FILIP1L: variants seen among roughly 807,000 people sequenced by gnomAD.
FILIP1L encodes filamin A interacting protein 1 like, also known as filamin A-interacting protein 1-like.
Under a neutral mutation model 96.6 loss-of-function variants are expected in FILIP1L, and 55 were observed. The ratio of observed to expected loss-of-function variants is 0.57; its 90% CI spans 0.46 to 0.71. FILIP1L has a LOEUF of 0.71. FILIP1L is among the 30% of genes least tolerant of loss of function. The pLI, the probability that FILIP1L is intolerant of heterozygous loss-of-function variation, is 0.00. For missense variants in FILIP1L, 1,304 were observed against 1,321.2 expected (o/e 0.99, Z 0.20); for synonymous variants, 467 against 473.9 (o/e 0.99, Z 0.19).
chr3:99,983,464 GTATATATATATATATA>G (rs1191587665), intron 1 of FILIP1L, among the ~76,000 whole-genome samples: 13 of 12,676 alleles, frequency 1.0e-3, no homozygotes, highest in Non-Finnish European at 1.5e-3. Flanking sequence ...ATATATGTGT[GTATATATATATATATA>G]TATATATATA....
chr3:99,959,302 A>T (rs1262223127), intron 1 of FILIP1L, among the ~76,000 whole-genome samples: 3 of 152,272 alleles, frequency 2.0e-5, no homozygotes, highest in Middle Eastern at 3.4e-3. Flanking sequence ...GATGTGCAGC[A>T]CTGTGCCCAG....
intron 4 of FILIP1L, chr3:99,876,097 C>CG: frequency 1.0e-6 from 1 of 986,342 alleles, no homozygotes; most frequent in Non-Finnish European, 1.2e-6. Context: ...CGGGGCCGGG[C>CG]GGGGGCCGGG....
At position 99,847,914 on chromosome 3, in the gene FILIP1L, T is replaced by G. The variant is rs571820047; in HGVS notation, c.3381+381A>C. On this transcript the variant is annotated intron_variant, in intron 5 of 5. Coordinates refer to ENST00000477258, the MANE Select transcript of FILIP1L (RefSeq NM_001387850.1). Reference sequence around the variant, plus strand: ...TAACACAGAATGACCAAAAGAAAATTCAGCAAGCAATGGTAAAAATAACAA... The same window carrying G: ...TAACACAGAATGACCAAAAGAAAATGCAGCAAGCAATGGTAAAAATAACAA... The G allele has an allele frequency of 4.2e-5, 42 of 988,356 alleles. No homozygotes were observed. In the South Asian group the frequency reaches 1.5e-3, roughly 35 times the overall value. 61.2% of individuals were successfully genotyped at this position (988,356 alleles called of 1,614,324 possible).
Position 99,849,428 on chromosome 3 carries a change from G to T in FILIP1L, c.2248C>A (p.Leu750Ile). Residue 750 changes from leucine to isoleucine, a missense_variant, in exon 5 of 6, where the codon CTA becomes ATA. Coordinates refer to ENST00000477258, the MANE Select transcript of FILIP1L (RefSeq NM_001387850.1). Reference protein sequence around the residue: ...QGDHSVLQKKLNQQENRNRDL... With the variant: ...QGDHSVLQKKINQQENRNRDL... ...CTGTTCCTGTTTTCTTGTTGATTTA[G>T]TTTTTTTTGCAGGACTGAGTGATCT... is the stretch of plus-strand genomic sequence containing the variant. 1 of 1,613,632 alleles carries T rather than the reference G, an allele frequency of 6.2e-7. No individual in the cohort carries two copies. The highest frequency in any genetic ancestry group is 1.3e-5 in the African/African-American group (1 of 74,962).
intron 5 of FILIP1L, among the ~76,000 whole-genome samples, chr3:99,839,746 G>A (rs1048590867): frequency 1.3e-5 from 2 of 152,176 alleles, no homozygotes; most frequent in Non-Finnish European, 2.9e-5. Flanking sequence ...CATGCTCTCA[G>A]CCAGTCTGTC....
chr3:100,015,280 G>A (rs985489355), intron 1 of FILIP1L, among the ~76,000 whole-genome samples: 29 of 152,160 alleles, frequency 1.9e-4, no homozygotes, highest in African/African-American at 6.0e-4. Context: ...GTACCATGCT[G>A]TTTTGATTAC....
chr3:100,056,013 T>C (rs1296589869), intron 1 of FILIP1L, among the ~76,000 whole-genome samples: 3 of 152,162 alleles, frequency 2.0e-5, no homozygotes, highest in Non-Finnish European at 4.4e-5. Context: ...GCCTAGTTGA[T>C]CTGGTTGGGG....
At chr3:99,980,467 A>G (rs1709089915) in intron 1 of FILIP1L, among the ~76,000 whole-genome samples, 1 of 152,184 alleles carries the variant, frequency 6.6e-6, no homozygotes, top group East Asian at 1.9e-4. Context: ...GCACATTTTT[A>G]TTTCCACAGA....
At position 99,899,862 on chromosome 3, in the gene FILIP1L, G is replaced by C. The variant is rs1706379603; in HGVS notation, c.605+24368C>G. Among the ~76,000 whole-genome samples, 3 of 152,080 alleles carry C rather than the reference G, an allele frequency of 2.0e-5. No individual in the cohort carries two copies. The South Asian group carries it at 6.2e-4, about 32-fold the overall frequency. On this transcript the variant is annotated intron_variant, in intron 4 of 5. Transcript: ENST00000477258. ...AATGGTGAGAGTACCTTCCTCATAGGGTTGTTATATTTAAATGAGTTACAA... is the reference window on the plus strand; with the variant it reads ...AATGGTGAGAGTACCTTCCTCATAGCGTTGTTATATTTAAATGAGTTACAA...
chr3:100,092,474 C>A lies in FILIP1L; in HGVS notation c.-11+21579G>T, dbSNP rs562285169. Among the ~76,000 whole-genome samples, 19 of 151,892 alleles carry A rather than the reference C, an allele frequency of 1.3e-4. No individual in the cohort carries two copies. The South Asian group carries it at 3.3e-3, about 27-fold the overall frequency. On this transcript the variant is annotated intron_variant, in intron 1 of 5. Coordinates refer to ENST00000477258, the MANE Select transcript of FILIP1L (RefSeq NM_001387850.1). ...ATATGAATGTAGTTGGATTCTCAGG[C>A]AGCTGAAAAATAAAGTACAAATGGA...
At chr3:99,974,382 A>T (rs1278514087) in intron 1 of FILIP1L, among the ~76,000 whole-genome samples, 1 of 152,184 alleles carries the variant, frequency 6.6e-6, no homozygotes, top group East Asian at 1.9e-4. Context: ...GACTGTCACT[A>T]TCAGGTCAAA....
intron 5 of FILIP1L, among the ~76,000 whole-genome samples, chr3:99,834,783 G>A (rs924286640): frequency 4.6e-5 from 7 of 152,280 alleles, no homozygotes; most frequent in Admixed American, 2.0e-4. Context: ...AGCACAAGCC[G>A]TGGAGCCAGT....
At chr3:99,938,276 T>C (rs1385598008) in intron 1 of FILIP1L, among the ~76,000 whole-genome samples, 1 of 152,250 alleles carries the variant, frequency 6.6e-6, no homozygotes, top group Non-Finnish European at 1.5e-5. Flanking sequence ...TGCACTACAC[T>C]ATTTTTTAAT....
At chr3:100,091,051 C>T (rs1237465164) in intron 1 of FILIP1L, among the ~76,000 whole-genome samples, 10 of 151,998 alleles carry the variant, frequency 6.6e-5, no homozygotes, top group African/African-American at 2.4e-4. Flanking sequence ...TTTGGGAGGC[C>T]GAGGTGGGCG....
At chr3:100,031,751 T>A (rs549225133) in intron 1 of FILIP1L, among the ~76,000 whole-genome samples, 5 of 152,168 alleles carry the variant, frequency 3.3e-5, no homozygotes, top group Non-Finnish European at 5.9e-5. Context: ...TACGTTTATT[T>A]GCCTCACTTT....
chr3:100,068,326 C>T (rs2065701035), intron 1 of FILIP1L, among the ~76,000 whole-genome samples: 1 of 150,428 alleles, frequency 6.6e-6, no homozygotes, highest in South Asian at 2.1e-4. Context: ...CATAGTGAGA[C>T]AAACATGAAT....
chr3:100,009,498 C>T (rs1428329383), intron 1 of FILIP1L, among the ~76,000 whole-genome samples: 3 of 150,358 alleles, frequency 2.0e-5, no homozygotes, highest in Non-Finnish European at 4.5e-5. Context: ...TAGGCAAGCA[C>T]GGTATAGGGG....
At chr3:99,896,309 G>A (rs1203317687) in intron 4 of FILIP1L, among the ~76,000 whole-genome samples, 1 of 152,204 alleles carries the variant, frequency 6.6e-6, no homozygotes, top group Non-Finnish European at 1.5e-5. Flanking sequence ...AGGAAGGCAA[G>A]GGAAAATTTG....
At chr3:99,903,074 A>G (rs975965501) in intron 4 of FILIP1L, among the ~76,000 whole-genome samples, 4 of 152,008 alleles carry the variant, frequency 2.6e-5, no homozygotes, top group Non-Finnish European at 4.4e-5. Context: ...TTGTGTCCCT[A>G]GGTACCTTAT....
Sources: gnomAD v4.1 joint callset for allele counts (sites outside exome capture counted in the v4.1 genomes callset) on GRCh38, gnomAD v4.1.1 for gene constraint, MANE v1.5 for transcripts, NCBI Gene and HGNC (gene_info 2026-07-23, HGNC 2026-07-21) for gene names.